Variants in SPMIP2 observed in about 807,000 individuals in gnomAD.
SPMIP2 encodes protein SPMIP2.
At chr4:159,035,073 C>CT in the SPMIP2 span, 1 of 1,613,344 alleles carries the variant, frequency 6.2e-7, no homozygotes. Flanking sequence ...TAGATGTTGG[C>CT]TTTTGGTATG....
the SPMIP2 span, among the ~76,000 whole-genome samples, chr4:158,954,858 A>G: frequency 6.6e-6 from 1 of 152,166 alleles, no homozygotes; most frequent in Non-Finnish European, 1.5e-5. Context: ...TTAGAGAAAA[A>G]ACAAAAGCCC....
the SPMIP2 span, among the ~76,000 whole-genome samples, chr4:158,910,540 G>A: frequency 1.3e-5 from 2 of 151,362 alleles, no homozygotes; most frequent in African/African-American, 2.4e-5. Flanking sequence ...CCCAAAGTGC[G>A]GGGATTACAG....
chr4:158,992,627 T>C, the SPMIP2 span, among the ~76,000 whole-genome samples: 1 of 152,200 alleles, frequency 6.6e-6, no homozygotes, highest in Non-Finnish European at 1.5e-5. Flanking sequence ...GAAATTTGTT[T>C]TCATACAGTT....
the SPMIP2 span, among the ~76,000 whole-genome samples, chr4:158,941,185 GGTTT>G: frequency 2.0e-5 from 3 of 152,030 alleles, no homozygotes; most frequent in Non-Finnish European, 2.9e-5. Flanking sequence ...TCAAATTCAG[GGTTT>G]GTTTTTCAGG....
the SPMIP2 span, among the ~76,000 whole-genome samples, chr4:158,954,434 C>A: frequency 6.6e-6 from 1 of 152,134 alleles, no homozygotes; most frequent in Non-Finnish European, 1.5e-5. Context: ...CTTTTTCTTC[C>A]CAGCCTCAAG....
the SPMIP2 span, among the ~76,000 whole-genome samples, chr4:159,055,902 C>T: frequency 1.3e-5 from 2 of 152,070 alleles, no homozygotes; most frequent in African/African-American, 2.4e-5. Flanking sequence ...ATAAAGAAAG[C>T]TTTTACTGCA....
At chr4:159,015,089 T>C in the SPMIP2 span, among the ~76,000 whole-genome samples, 3 of 152,256 alleles carry the variant, frequency 2.0e-5, no homozygotes, top group African/African-American at 4.8e-5. Flanking sequence ...CCTGCAAGAC[T>C]GTAAATAATT....
chr4:159,081,547 T>C, the SPMIP2 span, among the ~76,000 whole-genome samples: 1 of 151,704 alleles, frequency 6.6e-6, no homozygotes, highest in African/African-American at 2.4e-5. Flanking sequence ...AAAAATTAGC[T>C]TGGTGTGGTG....
At chr4:158,960,438 T>C in the SPMIP2 span, 8 of 686,652 alleles carry the variant, frequency 1.2e-5, no homozygotes, top group Non-Finnish European at 2.0e-5. Flanking sequence ...GGAAGTCAGG[T>C]TGGGAAATGA....
At chr4:158,959,592 T>G in the SPMIP2 span, among the ~76,000 whole-genome samples, 1 of 152,114 alleles carries the variant, frequency 6.6e-6, no homozygotes, top group East Asian at 1.9e-4. Context: ...CTTCAACAAT[T>G]AAAAGTGAAG....
the SPMIP2 span, among the ~76,000 whole-genome samples, chr4:158,917,173 C>T: frequency 6.6e-6 from 1 of 152,188 alleles, no homozygotes. Context: ...TCACTTGAAC[C>T]CAGGAGGTAG....
chr4:158,972,847 G>A, the SPMIP2 span, among the ~76,000 whole-genome samples: 2 of 152,324 alleles, frequency 1.3e-5, no homozygotes, highest in Middle Eastern at 3.4e-3. Context: ...AAACACAAAC[G>A]CTTTTGGATT....
At chr4:159,022,827 C>G in the SPMIP2 span, among the ~76,000 whole-genome samples, 2 of 151,846 alleles carry the variant, frequency 1.3e-5, no homozygotes, top group African/African-American at 2.4e-5. Flanking sequence ...GTTAGGAGAT[C>G]GAGACCATCC....
the SPMIP2 span, among the ~76,000 whole-genome samples, chr4:158,898,313 C>T: frequency 6.6e-6 from 1 of 152,164 alleles, no homozygotes. Flanking sequence ...ATTGCCTTGG[C>T]TATGCAGGCT....
the SPMIP2 span, among the ~76,000 whole-genome samples, chr4:158,968,376 G>A: frequency 1.3e-5 from 2 of 152,194 alleles, no homozygotes; most frequent in Non-Finnish European, 1.5e-5. Context: ...GCGTGCAAAT[G>A]ATGCAAAGTG....
the SPMIP2 span, among the ~76,000 whole-genome samples, chr4:158,981,131 T>G: frequency 6.6e-6 from 1 of 151,804 alleles, no homozygotes; most frequent in Non-Finnish European, 1.5e-5. Flanking sequence ...CTGAATGAAA[T>G]AAAGCATGAA....
chr4:159,069,745 A>G, the SPMIP2 span, among the ~76,000 whole-genome samples: 1 of 152,066 alleles, frequency 6.6e-6, no homozygotes, highest in African/African-American at 2.4e-5. Context: ...TACATGATAC[A>G]TATTTTTTTT....
the SPMIP2 span, among the ~76,000 whole-genome samples, chr4:159,004,287 C>CTTTTTT: frequency 1.7e-4 from 4 of 23,602 alleles, no homozygotes; most frequent in Non-Finnish European, 3.4e-4. Context: ...CTACTCTGTG[C>CTTTTTT]TCTTTTTTTT....
the SPMIP2 span, among the ~76,000 whole-genome samples, chr4:158,911,631 C>T: frequency 6.6e-6 from 1 of 152,192 alleles, no homozygotes; most frequent in Non-Finnish European, 1.5e-5. Context: ...CACCTTGCTA[C>T]TCAAGGTCCT....
Sources: allele counts gnomAD v4.1 joint callset (sites outside exome capture counted in the v4.1 genomes callset), GRCh38; gene constraint gnomAD v4.1.1; transcripts MANE v1.5; gene names NCBI Gene and HGNC (gene_info 2026-07-23, HGNC 2026-07-21).